Variants in YEATS2 observed in about 807,000 individuals in gnomAD.
The protein encoded by YEATS2 is YEATS domain-containing protein 2.
A neutral mutation model predicts 163.2 loss-of-function variants in YEATS2; 77 were observed. That is an observed-to-expected ratio of 0.47 (90% confidence interval 0.39 to 0.57). The LOEUF (loss-of-function observed/expected upper bound fraction) is 0.57, where lower values mean the gene tolerates loss of function less well. YEATS2 is among the 20% of genes least tolerant of loss of function. The pLI, the probability that YEATS2 is intolerant of heterozygous loss-of-function variation, is 0.00. For synonymous variants in YEATS2, 631 were observed against 645.1 expected (o/e 0.98, Z 0.33); for missense variants, 1,549 against 1,729.8 (o/e 0.90, Z 1.85).
At chr3:183,716,531 T>A in intron 2 of YEATS2, among the ~76,000 whole-genome samples, 1 of 152,200 alleles carries the variant, frequency 6.6e-6, no homozygotes, top group East Asian at 1.9e-4. Context: ...GCTGCAACTT[T>A]CCCTCCTCAT....
chr3:183,724,570 G>C, intron 6 of YEATS2, 39 bp downstream of exon 6: 1 of 1,491,210 alleles, frequency 6.7e-7, no homozygotes, highest in Non-Finnish European at 9.3e-7. Context: ...TTGTCCATTT[G>C]TGTTAATATT....
At chr3:183,766,707 G>GT (rs1039153132) in intron 15 of YEATS2, among the ~76,000 whole-genome samples, 13 of 152,118 alleles carry the variant, frequency 8.5e-5, no homozygotes, top group African/African-American at 2.2e-4. Flanking sequence ...GCTCTTGTGG[G>GT]TTTTTTTGTT....
rs754796241 is a variant in YEATS2 at position 183,761,521 on chromosome 3, G to C, written c.1671G>C (p.Leu557Phe). 3 of 1,614,082 alleles carry C rather than the reference G, an allele frequency of 1.9e-6. No individual in the cohort carries two copies. Among genetic ancestry groups the C allele is most frequent in the Non-Finnish European group, 2.5e-6 (3 of 1,179,976 alleles). The change falls in exon 14 of 31, where the codon TTG (leucine) becomes TTC (phenylalanine). Residue 557 changes from leucine to phenylalanine, a missense_variant. Physicochemically the swap from Leu to Phe is conservative, Grantham distance 22. Coordinates refer to ENST00000305135, the MANE Select transcript of YEATS2 (RefSeq NM_018023.5). ...TACACACACAGCAGGAGGATTCTTT[G>C]TTTGCATCTATGCCACCTCTTTGCC... Reference protein sequence around the residue: ...VTSTVKQEDSLFASMPPLCPI... With the variant: ...VTSTVKQEDSFFASMPPLCPI...
In YEATS2 at chr3:183,765,986, C is replaced by CA. The variant is rs1351388283; in HGVS notation, c.1947+3713dup. ...GATATGCCAGGAAACAGGAGGGTGG[C>CA]AAAAAATGGCACTGTTTTACCCTCC... On this transcript the variant is annotated intron_variant, in intron 15 of 30. Coordinates refer to ENST00000305135, the MANE Select transcript of YEATS2 (RefSeq NM_018023.5). 2.6e-5 allele frequency among the ~76,000 whole-genome samples: 4 copies of CA among 151,386 alleles called. No individual in the cohort carries two copies. The South Asian group carries it at 8.3e-4, about 31-fold the overall frequency.
At chr3:183,765,192 C>A (rs900180386) in intron 15 of YEATS2, among the ~76,000 whole-genome samples, 1 of 152,206 alleles carries the variant, frequency 6.6e-6, no homozygotes, top group Admixed American at 6.5e-5. Flanking sequence ...ATCTGAACTT[C>A]CTACTCAGGC....
At chr3:183,728,082 T>C (rs1454267113) in intron 6 of YEATS2, among the ~76,000 whole-genome samples, 3 of 152,218 alleles carry the variant, frequency 2.0e-5, no homozygotes, top group African/African-American at 7.2e-5. Flanking sequence ...TTTAATTTTT[T>C]GAGGTAGGGT....
intron 8 of YEATS2, among the ~76,000 whole-genome samples, chr3:183,741,297 C>A (rs1361067469): frequency 6.6e-6 from 1 of 151,840 alleles, no homozygotes; most frequent in Non-Finnish European, 1.5e-5. Context: ...AATCCTAGGG[C>A]CCTTAATAAT....
intron 7 of YEATS2, 106 bp downstream of exon 7, chr3:183,728,957 T>G: frequency 8.0e-7 from 1 of 1,253,568 alleles, no homozygotes; most frequent in Non-Finnish European, 1.1e-6. Context: ...GCAGTAGTAA[T>G]TGAGAATTGG....
chr3:183,787,767 A>G (rs1381578357), intron 20 of YEATS2, among the ~76,000 whole-genome samples: 2 of 151,946 alleles, frequency 1.3e-5, no homozygotes, highest in Non-Finnish European at 1.5e-5. Context: ...GGAGGCCGAG[A>G]AGGGCGGATC....
intron 29 of YEATS2, 85 bp from the exon 30 acceptor site, chr3:183,809,012 T>C (rs570988160): frequency 9.4e-5 from 133 of 1,417,184 alleles, no homozygotes; most frequent in Non-Finnish European, 1.3e-4. Flanking sequence ...TTTCAAACAT[T>C]TGGGGTAAGG....
chr3:183,718,457 T>C (rs746417107), intron 3 of YEATS2, 43 bp from the exon 4 acceptor site: 2 of 1,495,710 alleles, frequency 1.3e-6, no homozygotes, highest in Non-Finnish European at 9.2e-7. Context: ...ATCTCTTTTA[T>C]AATTGCCGTT....
chr3:183,791,140 C>T (rs1198867681), intron 21 of YEATS2, among the ~76,000 whole-genome samples, 160 bp downstream of exon 21: 4 of 152,186 alleles, frequency 2.6e-5, no homozygotes, highest in Admixed American at 6.5e-5. Flanking sequence ...CTCAAGCCAT[C>T]CTCCCACCTC....
chr3:183,755,979 C>G (rs1040997065), intron 11 of YEATS2, among the ~76,000 whole-genome samples: 1 of 152,064 alleles, frequency 6.6e-6, no homozygotes, highest in Non-Finnish European at 1.5e-5. Context: ...CTCACAACCT[C>G]AGGTGATCCG....
chr3:183,762,257 C>A lies in YEATS2; in HGVS notation c.1925C>A (p.Ser642Ter), dbSNP rs1488082894. 6.2e-7 allele frequency: 1 copy of A among 1,604,742 alleles called. No individual in the cohort carries two copies. Among genetic ancestry groups the A allele is most frequent in the Admixed American group, 1.7e-5 (1 of 59,468 alleles). Residue 642 changes from serine to a stop codon, truncating the protein, a stop_gained, in exon 15 of 31, where the codon TCA becomes TAA. Coordinates refer to ENST00000305135, the MANE Select transcript of YEATS2 (RefSeq NM_018023.5). LOFTEE classifies it high-confidence loss of function. ...ACTCCTGGAGAAGGGATTGCCCAGT[C>A]AGCAAAGGTTCAGCCCTCCAAGGTT... The part of the protein sequence containing the change: ...VITPGEGIAQ[S>*]AKVQPSKVVG...
At position 183,810,898 on chromosome 3, in the gene YEATS2, G is replaced by C; in HGVS notation, c.*315G>C. ...CGTGTGCCTCAGGCCCTTCTCCCTG[G>C]GTGTGCTTAAGGGGGCTCCTTGGGC... On this transcript the variant is annotated 3_prime_UTR_variant, in exon 31 of 31. Transcript: ENST00000305135. 1 of 308,698 alleles carries C rather than the reference G, an allele frequency of 3.2e-6. No individual in the cohort carries two copies. Among genetic ancestry groups the C allele is most frequent in the South Asian group, 3.4e-5 (1 of 29,082 alleles). The allele number at this position is 308,698 out of a possible 1,614,324, so 19.1% of individuals were successfully genotyped here.
chr3:183,801,962 G>C (rs142395435), intron 25 of YEATS2: 1 of 158,296 alleles, frequency 6.3e-6, no homozygotes, highest in Non-Finnish European at 1.4e-5. Context: ...AGGATAAGCA[G>C]GGTTGAATAA....
chr3:183,799,552 G>A (rs1451836852), intron 23 of YEATS2, among the ~76,000 whole-genome samples: 2 of 152,170 alleles, frequency 1.3e-5, no homozygotes, highest in Non-Finnish European at 2.9e-5. Context: ...GGAGGTTTAG[G>A]TAGGGGCCAG....
intron 9 of YEATS2, among the ~76,000 whole-genome samples, chr3:183,748,783 A>G (rs1025699307): frequency 2.6e-5 from 4 of 151,852 alleles, no homozygotes; most frequent in African/African-American, 9.7e-5. Context: ...CATTTTTTAT[A>G]GAGACAGTGT....
intron 8 of YEATS2, among the ~76,000 whole-genome samples, chr3:183,747,024 C>T (rs1438425016): frequency 6.6e-6 from 1 of 151,892 alleles, no homozygotes; most frequent in African/African-American, 2.4e-5. Context: ...AAGAACTTAA[C>T]CTTTTTCTGT....
Sources: gnomAD v4.1 joint callset for allele counts (sites outside exome capture counted in the v4.1 genomes callset) on GRCh38, gnomAD v4.1.1 for gene constraint, MANE v1.5 for transcripts, NCBI Gene and HGNC (gene_info 2026-07-23, HGNC 2026-07-21) for gene names.